ZNRF3: variants seen among roughly 807,000 people sequenced by gnomAD.
ZNRF3 encodes zinc and ring finger 3.
In ZNRF3, 23 loss-of-function variants were observed where a neutral mutation model predicts 72.5. The ratio of observed to expected loss-of-function variants is 0.32; its 90% CI spans 0.23 to 0.45. The LOEUF (loss-of-function observed/expected upper bound fraction) is 0.45. ZNRF3 is among the 20% of genes least tolerant of loss of function. ZNRF3 has a pLI of 1.00. For missense variants in ZNRF3, 1,169 were observed against 1,272.1 expected, an observed-to-expected ratio of 0.92 and a Z score of 1.23; for synonymous variants, 610 against 545.3, an observed-to-expected ratio of 1.12 and a Z score of -1.65.
chr22:28,892,620 A>T (rs777235471), intron 1 of ZNRF3, among the ~76,000 whole-genome samples: 8 of 152,220 alleles, frequency 5.3e-5, no homozygotes, highest in Non-Finnish European at 1.2e-4. Flanking sequence ...TTTACTCATG[A>T]TAGTGTCAAA....
At chr22:28,945,181 T>C (rs1357598726) in intron 1 of ZNRF3, among the ~76,000 whole-genome samples, 1 of 150,934 alleles carries the variant, frequency 6.6e-6, no homozygotes, top group Non-Finnish European at 1.5e-5. Context: ...GATGTGTATC[T>C]CAAGACTTAC....
At chr22:28,909,144 G>A (rs893767990) in intron 1 of ZNRF3, among the ~76,000 whole-genome samples, 2 of 152,086 alleles carry the variant, frequency 1.3e-5, no homozygotes, top group Non-Finnish European at 2.9e-5. Flanking sequence ...GAGTCTGCCT[G>A]CCTCAGCCTC....
At chr22:28,957,863 G>T (rs1489832947) in intron 1 of ZNRF3, among the ~76,000 whole-genome samples, 1 of 152,224 alleles carries the variant, frequency 6.6e-6, no homozygotes, top group East Asian at 1.9e-4. Flanking sequence ...AACTTTGTGG[G>T]AGTGAAGAGC....
chr22:28,971,971 G>A (rs1257657501), intron 1 of ZNRF3, among the ~76,000 whole-genome samples: 1 of 152,138 alleles, frequency 6.6e-6, no homozygotes, highest in Non-Finnish European at 1.5e-5. Context: ...GCCTCCCAAA[G>A]TGCTGGGATT....
At chr22:28,999,343 A>G (rs2036104088) in intron 2 of ZNRF3, among the ~76,000 whole-genome samples, 1 of 151,920 alleles carries the variant, frequency 6.6e-6, no homozygotes, top group Admixed American at 6.6e-5. Flanking sequence ...CCAAAAAAAA[A>G]GCTATTGAAA....
At chr22:28,921,345 A>G (rs2034508158) in intron 1 of ZNRF3, among the ~76,000 whole-genome samples, 1 of 152,166 alleles carries the variant, frequency 6.6e-6, no homozygotes, top group Non-Finnish European at 1.5e-5. Flanking sequence ...GATGGAGTCT[A>G]ACCCCGCCTT....
intron 1 of ZNRF3, among the ~76,000 whole-genome samples, chr22:28,933,266 G>A (rs1317396327): frequency 2.0e-5 from 3 of 152,200 alleles, no homozygotes; most frequent in Admixed American, 6.5e-5. Flanking sequence ...TGGGGGGATT[G>A]TATATTATAG....
chr22:28,986,518 A>C lies in ZNRF3; in HGVS notation c.301-558A>C, dbSNP rs569737403. Reference sequence around the variant, plus strand: ...TTTGTGCTTTGCAAATTTTGAAAAGACCTCAAAGAATTTTATCTGTTTCCC... The same window carrying C: ...TTTGTGCTTTGCAAATTTTGAAAAGCCCTCAAAGAATTTTATCTGTTTCCC... On this transcript the variant is annotated intron_variant, in intron 1 of 8. Coordinates refer to ENST00000544604, the MANE Select transcript of ZNRF3 (RefSeq NM_001206998.2). 228 of 706,272 alleles carry C rather than the reference A, an allele frequency of 3.2e-4. No individual in the cohort carries two copies. In the African/African-American group the frequency reaches 4.2e-3, roughly 13 times the overall value. The allele number at this position is 706,272 out of a possible 1,614,324, so 43.8% of individuals were successfully genotyped here. A position where few individuals can be genotyped will look rare whatever the true frequency, so the allele number is the denominator to read the frequency against.
At chr22:28,903,914 C>T (rs1050215115) in intron 1 of ZNRF3, among the ~76,000 whole-genome samples, 1 of 152,118 alleles carries the variant, frequency 6.6e-6, no homozygotes, top group Non-Finnish European at 1.5e-5. Flanking sequence ...AGAGGCTCAG[C>T]CAGAATTTCT....
At chr22:29,005,397 G>A (rs945202907) in intron 2 of ZNRF3, among the ~76,000 whole-genome samples, 3 of 152,246 alleles carry the variant, frequency 2.0e-5, no homozygotes. Flanking sequence ...TGGTGAGAGA[G>A]TGTTAACTTT....
intron 1 of ZNRF3, among the ~76,000 whole-genome samples, chr22:28,982,896 A>G (rs2035791287): frequency 6.6e-6 from 1 of 152,158 alleles, no homozygotes; most frequent in Admixed American, 6.5e-5. Flanking sequence ...ATAATATGAT[A>G]TTCAATAGGT....
intron 8 of ZNRF3, among the ~76,000 whole-genome samples, chr22:29,051,591 G>A (rs1445977274): frequency 8.5e-5 from 12 of 141,580 alleles, no homozygotes; most frequent in Admixed American, 5.7e-4. Context: ...GTGACAGAGC[G>A]AGACTCTGTC....
In ZNRF3 at chr22:29,049,666, G is replaced by C; in HGVS notation, c.1485G>C (p.Pro495=). 3 of 1,608,838 alleles carry C rather than the reference G, an allele frequency of 1.9e-6. No individual in the cohort carries two copies. Among genetic ancestry groups the C allele is most frequent in the East Asian group, 2.2e-5 (1 of 44,842 alleles). Residue 495 remains proline, a synonymous_variant, in exon 8 of 9, where the codon CCG becomes CCC. Coordinates refer to ENST00000544604, the MANE Select transcript of ZNRF3 (RefSeq NM_001206998.2). This position sits in a 1 kb window ranked among gnomAD's most constrained non-coding sequence, Gnocchi z 5.2. ...CACCTAGCCTCGCACCCCGGGGCCC[G>C]GCCCGTGCCTTTCCTCCGAGCGGCA... The part of the protein sequence containing the change: ...QSPPSLAPRG[P]ARAFPPSGSG...
At chr22:28,895,696 C>G (rs917222245) in intron 1 of ZNRF3, among the ~76,000 whole-genome samples, 1 of 151,908 alleles carries the variant, frequency 6.6e-6, no homozygotes, top group Non-Finnish European at 1.5e-5. Flanking sequence ...TGACTTAGCT[C>G]TCCTTTTGCA....
chr22:29,045,168 C>G (rs999499863), intron 5 of ZNRF3, among the ~76,000 whole-genome samples: 2 of 152,038 alleles, frequency 1.3e-5, no homozygotes, highest in African/African-American at 4.8e-5. Flanking sequence ...CAAGACCAGC[C>G]TAGTCAACAT....
intron 2 of ZNRF3, among the ~76,000 whole-genome samples, chr22:28,991,998 A>AAT (rs1555980036): frequency 2.0e-5 from 3 of 151,910 alleles, no homozygotes; most frequent in African/African-American, 7.3e-5. Context: ...AAAAAAAAAA[A>AAT]AATAATAAGC....
chr22:28,918,045 G>A (rs1014918103), intron 1 of ZNRF3, among the ~76,000 whole-genome samples: 3 of 152,240 alleles, frequency 2.0e-5, no homozygotes, highest in Non-Finnish European at 4.4e-5. Context: ...ATAACTAGCT[G>A]TTTGCGTGCT....
chr22:29,023,569 G>A (rs1311543556), intron 2 of ZNRF3, among the ~76,000 whole-genome samples: 2 of 152,226 alleles, frequency 1.3e-5, no homozygotes, highest in South Asian at 2.1e-4. Flanking sequence ...GCATGGAGAA[G>A]CAGGCTCAGT....
intron 1 of ZNRF3, among the ~76,000 whole-genome samples, chr22:28,920,867 T>C (rs962754066): frequency 5.9e-5 from 9 of 152,202 alleles, no homozygotes; most frequent in African/African-American, 2.2e-4. Context: ...TTCAAGGGGC[T>C]TGAGATCCTG....
Sources: allele counts gnomAD v4.1 joint callset (sites outside exome capture counted in the v4.1 genomes callset), GRCh38; gene constraint gnomAD v4.1.1; non-coding constraint Gnocchi (gnomAD v3.1); transcripts MANE v1.5; gene names NCBI Gene and HGNC (gene_info 2026-07-23, HGNC 2026-07-21).